The following FAT1 variants were observed in gnomAD, a reference collection of about 807,000 sequenced individuals.
FAT1 encodes FAT atypical cadherin 1.
FAT1 carries 171 observed loss-of-function variants against 329.8 expected under a neutral mutation model. The ratio of observed to expected loss-of-function variants is 0.52; its 90% confidence interval spans 0.46 to 0.59. The LOEUF is 0.59. FAT1 is among the 20% of genes least tolerant of loss of function. The pLI is 0.00. For synonymous variants in FAT1, 2,233 were observed against 2,228.6 expected, an observed-to-expected ratio of 1.00 and a Z score of -0.06; for missense variants, 5,672 against 5,774.4, an observed-to-expected ratio of 0.98 and a Z score of 0.57.
In FAT1 at chr4:186,597,010, A is replaced by G. The variant is rs761708072; in HGVS notation, c.12530T>C (p.Ile4177Thr). The change falls in exon 25 of 27, where the codon ATT becomes ACT. Residue 4177 changes from isoleucine (I) to threonine (T), a missense_variant. Physicochemically the swap from Ile to Thr is moderately conservative, Grantham distance 89. This residue lies in a region of FAT1 where 1,706 missense variants were observed against 1,859.1 expected (regional missense o/e 0.92). Coordinates refer to ENST00000441802, the MANE Select transcript of FAT1 (RefSeq NM_005245.4). The stretch of plus-strand genomic sequence containing the variant: ...GATTCCAATTCCTTCCGCCAACCCA[A>G]TGTTCCACGGCGTGGACACATACTG... ...PNQYVSTPWN[I>T]GLAEGIGIVV... The G allele has an allele frequency of 3.7e-6, 6 of 1,613,948 alleles. No homozygotes were observed. Among genetic ancestry groups the G allele is most frequent in the Non-Finnish European group, 3.4e-6 (4 of 1,179,876 alleles).
Position 186,589,191 on chromosome 4 carries a change from G to A in FAT1, c.13168C>T (p.Pro4390Ser), listed in dbSNP as rs759886021. The change falls in exon 27 of 27, where the codon CCA becomes TCA. Residue 4390 changes from proline (P) to serine (S), a missense_variant. Pro to Ser is a moderately conservative substitution (Grantham distance 74, BLOSUM62 -1). Around this residue, in one of 2 missense-constraint regions of FAT1, gnomAD observed 1,706 missense variants for 1,859.1 expected, o/e 0.92. Coordinates refer to ENST00000441802, the MANE Select transcript of FAT1 (RefSeq NM_005245.4). ...GYHWDTSDWM[P>S]SVPLPDIQEF... ...TGTATGTCCGGCAGAGGAACGCTTG[G>A]CATCCAATCTGATGTATCCCAGTGA... The A allele has an allele frequency of 7.4e-6, 12 of 1,613,066 alleles. No individual in the cohort carries two copies. Among genetic ancestry groups the A allele is most frequent in the Non-Finnish European group, 1.0e-5 (12 of 1,179,560 alleles).
intron 1 of FAT1, among the ~76,000 whole-genome samples, chr4:186,717,924 C>A (rs959806663): frequency 2.6e-5 from 4 of 152,154 alleles, no homozygotes; most frequent in African/African-American, 9.7e-5. Context: ...GGACTGTTGA[C>A]CTCTTGTGAA....
Position 186,709,673 on chromosome 4 carries a change from T to A in FAT1, c.155A>T (p.Tyr52Phe), listed in dbSNP as rs772257246. The change falls in exon 2 of 27, where the codon TAT (tyrosine) becomes TTT (phenylalanine). Residue 52 changes from tyrosine (Y) to phenylalanine (F), a missense_variant. Physicochemically the swap from Tyr to Phe is conservative, Grantham distance 22. Around this residue, in one of 2 missense-constraint regions of FAT1, gnomAD observed 3,966 missense variants for 3,915.2 expected, o/e 1.01. Transcript: ENST00000441802. ...TVQENSAAKTYVGHPVKMGVY... is the reference protein window; with the variant it reads ...TVQENSAAKTFVGHPVKMGVY... ...ACCCATCTTGACAGGATGCCCCACA[T>A]AAGTCTTAGCTGCAGAGTTCTCCTG... 4 of 1,613,978 alleles carry A rather than the reference T, an allele frequency of 2.5e-6. No homozygotes were observed. In the South Asian group the frequency reaches 3.3e-5, roughly 13 times the overall value.
intron 1 of FAT1, among the ~76,000 whole-genome samples, chr4:186,716,757 G>C (rs1255320745): frequency 6.6e-6 from 1 of 152,148 alleles, no homozygotes; most frequent in African/African-American, 2.4e-5. Context: ...AAGTTGTCAA[G>C]AGATTATGAA....
chr4:186,716,366 G>A (rs1282678838), intron 1 of FAT1, among the ~76,000 whole-genome samples: 2 of 151,994 alleles, frequency 1.3e-5, no homozygotes, highest in African/African-American at 2.4e-5. Context: ...ATTAAAATTT[G>A]GAATTTCGAG....
intron 2 of FAT1, among the ~76,000 whole-genome samples, chr4:186,673,312 G>A (rs1211760726): frequency 2.6e-5 from 4 of 152,084 alleles, no homozygotes; most frequent in Non-Finnish European, 4.4e-5. Context: ...CTGCAGCCCA[G>A]TATCAGAAGG....
chr4:186,690,096 T>C (rs1451917306), intron 2 of FAT1, among the ~76,000 whole-genome samples: 2 of 152,242 alleles, frequency 1.3e-5, no homozygotes, highest in Non-Finnish European at 2.9e-5. Context: ...TGCATTGCGT[T>C]ACAGAAAAGT....
rs41278605 is a variant in FAT1 at position 186,616,877 on chromosome 4, C to A, written c.9075+128G>T. The A allele has an allele frequency of 0.043, 33,859 of 778,434 alleles. 1,572 individuals are homozygous for A. The highest frequency in any genetic ancestry group is 0.18 in the East Asian group (6,816 of 37,620). The allele number at this position is 778,434 out of a possible 1,614,324, so 48.2% of individuals were successfully genotyped here. A position where few individuals can be genotyped will look rare whatever the true frequency, so the allele number is the denominator to read the frequency against. On this transcript the variant is annotated intron_variant, in intron 11 of 26. Coordinates refer to ENST00000441802, the MANE Select transcript of FAT1 (RefSeq NM_005245.4). Reference sequence around the variant, plus strand: ...TTTCCAAGTCTTACCCCATTTAACACCTCTGCTTAATCAGTAAGTGATCAT... The same window carrying A: ...TTTCCAAGTCTTACCCCATTTAACAACTCTGCTTAATCAGTAAGTGATCAT...
intron 6 of FAT1, among the ~76,000 whole-genome samples, chr4:186,634,992 A>G (rs917316974): frequency 2.6e-5 from 4 of 152,278 alleles, no homozygotes; most frequent in South Asian, 2.1e-4. Flanking sequence ...ATCGTTAACT[A>G]CGAAAATAGT....
chr4:186,634,033 A>G (rs1358044072), intron 6 of FAT1, among the ~76,000 whole-genome samples: 1 of 152,204 alleles, frequency 6.6e-6, no homozygotes, highest in African/African-American at 2.4e-5. Context: ...GGAAGCAACT[A>G]ACTGAAAGAA....
rs1452065733 is a variant in FAT1, at chr4:186,596,459, A to G, written c.13000+81T>C. On this transcript the variant is annotated intron_variant, in intron 25 of 26. Coordinates refer to ENST00000441802, the MANE Select transcript of FAT1 (RefSeq NM_005245.4). This position sits in a 1 kb window ranked among gnomAD's most constrained non-coding sequence, Gnocchi z 4.7. ...CATACTTGTCTCTAATGAAGAGTAC[A>G]CACATTTTGACTGGACAGAATTTGT... The G allele has an allele frequency of 1.4e-6, 2 of 1,453,536 alleles. No homozygotes were observed. The highest frequency in any genetic ancestry group is 2.1e-5 in the Admixed American group (1 of 46,828). The allele number at this position is 1,453,536 out of a possible 1,614,324, so 90.0% of individuals were successfully genotyped here. A position where few individuals can be genotyped will look rare whatever the true frequency, so the allele number is the denominator to read the frequency against.
At position 186,629,041 on chromosome 4, in the gene FAT1, C is replaced by T. The variant is rs1212175851; in HGVS notation, c.4324-278G>A. Among the ~76,000 whole-genome samples, 6 of 152,292 alleles carry T rather than the reference C, an allele frequency of 3.9e-5. No individual in the cohort carries two copies. The East Asian group carries it at 5.8e-4, about 15-fold the overall frequency. ...GATTTTCACACTTGCCACGTCTTTA[C>T]GTGGGCTTAACTTCTCTTACGCCTC... On this transcript the variant is annotated intron_variant, in intron 7 of 26. Transcript: ENST00000441802.
chr4:186,597,617 G>T, intron 24 of FAT1, 65 bp downstream of exon 24: 1 of 1,099,968 alleles, frequency 9.1e-7, no homozygotes, highest in Non-Finnish European at 1.4e-6. Flanking sequence ...AAGGTCTGTT[G>T]CATCTGCCAG....
chr4:186,590,865 C>A (rs1404357559), intron 26 of FAT1, among the ~76,000 whole-genome samples: 1 of 152,188 alleles, frequency 6.6e-6, no homozygotes, highest in African/African-American at 2.4e-5. Flanking sequence ...CAGAGGAATT[C>A]ATAGGCAAAC....
chr4:186,701,670 G>T (rs996038745), intron 2 of FAT1, among the ~76,000 whole-genome samples: 1 of 152,168 alleles, frequency 6.6e-6, no homozygotes, highest in Non-Finnish European at 1.5e-5. Flanking sequence ...TCCGGGGCCC[G>T]TCAGCCTCCT....
intron 7 of FAT1, among the ~76,000 whole-genome samples, chr4:186,632,632 C>T (rs1196841023): frequency 6.6e-6 from 1 of 151,732 alleles, no homozygotes; most frequent in Non-Finnish European, 1.5e-5. Context: ...ATTTTATATA[C>T]ACTAAAAATC....
At chr4:186,642,886 C>T (rs763346766) in intron 3 of FAT1, among the ~76,000 whole-genome samples, 48 of 152,166 alleles carry the variant, frequency 3.2e-4, no homozygotes, top group Non-Finnish European at 5.4e-4. Flanking sequence ...CTTCGTGTCC[C>T]AGAAGCCAAA....
rs2126427686 is a variant in FAT1, at chr4:186,603,402, T to C, written c.11124A>G (p.Thr3708=). 1.2e-6 allele frequency: 2 copies of C among 1,614,026 alleles called. No homozygotes were observed. Among genetic ancestry groups the C allele is most frequent in the Non-Finnish European group, 1.7e-6 (2 of 1,179,906 alleles). Residue 3708 remains threonine, a synonymous_variant, in exon 19 of 27, where the codon ACA becomes ACG. Coordinates refer to ENST00000441802, the MANE Select transcript of FAT1 (RefSeq NM_005245.4). ...VEKPGSAQIS[T]KQLLHKINSS... ...AGTTAATCTTGTGCAGAAGTTGTTTTGTTGAGATCTGAGCACTACCTGGTT... is the reference window on the plus strand; with the variant it reads ...AGTTAATCTTGTGCAGAAGTTGTTTCGTTGAGATCTGAGCACTACCTGGTT...
At chr4:186,662,362 A>C (rs1242335733) in intron 3 of FAT1, among the ~76,000 whole-genome samples, 1 of 152,214 alleles carries the variant, frequency 6.6e-6, no homozygotes, top group African/African-American at 2.4e-5. Context: ...TTGTGCAGTA[A>C]AGGAACAAAG....
Sources: gnomAD v4.1 joint callset for allele counts (sites outside exome capture counted in the v4.1 genomes callset) on GRCh38, gnomAD v4.1.1 for gene constraint, gnomAD v4.1.1 regional missense constraint, Gnocchi (gnomAD v3.1) non-coding constraint, MANE v1.5 for transcripts, NCBI Gene and HGNC (gene_info 2026-07-23, HGNC 2026-07-21) for gene names.